Variants in GNAT3 observed in about 807,000 individuals in gnomAD.
GNAT3 encodes guanine nucleotide-binding protein G(t) subunit alpha-3.
A neutral mutation model predicts 37.7 loss-of-function variants in GNAT3; 31 were observed. The observed-to-expected ratio is 0.82, with a 90% CI of 0.62 to 1.11. The LOEUF (loss-of-function observed/expected upper bound fraction) is 1.11, where lower values mean the gene tolerates loss of function less well. Ranked by LOEUF, GNAT3 falls within the 50% of genes most tolerant of loss-of-function variation. The pLI, the probability that GNAT3 is intolerant of heterozygous loss-of-function variation, is 0.00. For missense variants in GNAT3, 437 were observed against 412.5 expected (o/e 1.06, Z -0.51); for synonymous variants, 138 against 139.8 (o/e 0.99, Z 0.09).
chr7:80,503,115 T>C (rs1216067462), intron 1 of GNAT3, among the ~76,000 whole-genome samples: 1 of 152,144 alleles, frequency 6.6e-6, no homozygotes, highest in East Asian at 1.9e-4. Flanking sequence ...ATCAATATCA[T>C]CTTATTGACT....
intron 4 of GNAT3, among the ~76,000 whole-genome samples, chr7:80,475,792 C>A (rs1790292983): frequency 6.6e-6 from 1 of 152,044 alleles, no homozygotes; most frequent in Non-Finnish European, 1.5e-5. Flanking sequence ...TAAGGTTGGA[C>A]AAGTGTCCCA....
rs1790841885 is a variant in GNAT3 at position 80,501,982 on chromosome 7, T to C, written c.119-7335A>G. On this transcript the variant is annotated intron_variant, in intron 1 of 7. Transcript: ENST00000398291. The stretch of plus-strand genomic sequence containing the variant: ...ATATACTATCTTTCCTTTTTAATGA[T>C]CTTTTATTTAGATATTCCAACTTTC... 2.0e-5 allele frequency among the ~76,000 whole-genome samples: 3 copies of C among 152,068 alleles called. No homozygotes were observed. In the South Asian group the frequency reaches 6.2e-4, roughly 32 times the overall value.
In GNAT3 at chr7:80,504,474, T is replaced by C. The variant is rs377426814; in HGVS notation, c.118+7335A>G. Among the ~76,000 whole-genome samples, 157 of 152,336 alleles carry C rather than the reference T, an allele frequency of 1.0e-3. 6 individuals are homozygous for C. In the South Asian group the frequency reaches 0.031, roughly 30 times the overall value. ...GATAAGAAAATAGAAGCAGTGAGCA[T>C]AGCATCCTTTGAGAAGTATTTCAAT... On this transcript the variant is annotated intron_variant, in intron 1 of 7. Transcript: ENST00000398291.
At chr7:80,463,579 C>T (rs1406873939) in intron 5 of GNAT3, among the ~76,000 whole-genome samples, 10 of 151,834 alleles carry the variant, frequency 6.6e-5, no homozygotes. Flanking sequence ...CTCTCTCCAC[C>T]CTCCATTTAC....
Position 80,501,173 on chromosome 7 carries a change from C to A in GNAT3, c.119-6526G>T, listed in dbSNP as rs573086142. 2.0e-5 allele frequency among the ~76,000 whole-genome samples: 3 copies of A among 151,972 alleles called. No individual in the cohort carries two copies. The South Asian group carries it at 6.2e-4, about 32-fold the overall frequency. ...TGTACATTTTCTTTTGCCAAAAAAA[C>A]ACATTGTTTATTTTTCCCAAACTTT... On this transcript the variant is annotated intron_variant, in intron 1 of 7. Transcript: ENST00000398291.
intron 1 of GNAT3, among the ~76,000 whole-genome samples, chr7:80,505,746 C>T (rs993910684): frequency 6.6e-6 from 1 of 152,138 alleles, no homozygotes; most frequent in African/African-American, 2.4e-5. Flanking sequence ...AGACAGGAAT[C>T]AAACCCATGA....
chr7:80,508,676 T>A (rs990904582), intron 1 of GNAT3, among the ~76,000 whole-genome samples: 3 of 152,032 alleles, frequency 2.0e-5, no homozygotes, highest in African/African-American at 7.2e-5. Flanking sequence ...TGTTCTGTAA[T>A]TTTACTGAAG....
chr7:80,491,668 T>C (rs1265917555), intron 2 of GNAT3, among the ~76,000 whole-genome samples: 1 of 152,114 alleles, frequency 6.6e-6, no homozygotes, highest in Non-Finnish European at 1.5e-5. Flanking sequence ...CATAAGGACT[T>C]AAGGAGACTT....
At chr7:80,489,803 A>C in intron 2 of GNAT3, among the ~76,000 whole-genome samples, 1 of 152,160 alleles carries the variant, frequency 6.6e-6, no homozygotes, top group East Asian at 1.9e-4. Flanking sequence ...ATCAAGAATA[A>C]GTTTATTAAA....
intron 3 of GNAT3, chr7:80,487,731 C>G (rs1419475771): frequency 6.6e-6 from 1 of 152,078 alleles, no homozygotes; most frequent in Non-Finnish European, 1.5e-5. Context: ...CTGGCATCCT[C>G]TGGAGGTAAC....
intron 3 of GNAT3, among the ~76,000 whole-genome samples, chr7:80,482,689 ATTTTTTTTT>A (rs71079119): frequency 8.8e-6 from 1 of 114,124 alleles, no homozygotes; most frequent in South Asian, 3.1e-4. Flanking sequence ...AATTTTTGTA[ATTTTTTTTT>A]TTTTTTTTTT....
chr7:80,471,905 G>A (rs189434831), intron 5 of GNAT3, among the ~76,000 whole-genome samples: 1 of 152,146 alleles, frequency 6.6e-6, no homozygotes, highest in East Asian at 1.9e-4. Context: ...TGGTGTTACT[G>A]TGCAAGTATA....
chr7:80,500,309 C>T (rs1035260603), intron 1 of GNAT3, among the ~76,000 whole-genome samples: 22 of 151,498 alleles, frequency 1.5e-4, no homozygotes, highest in African/African-American at 4.9e-4. Context: ...CCAAACAGAT[C>T]CTCCCACAAA....
At chr7:80,478,743 T>C in intron 4 of GNAT3, 98 bp downstream of exon 4, 1 of 1,180,640 alleles carries the variant, frequency 8.5e-7, no homozygotes, top group African/African-American at 1.5e-5. Flanking sequence ...ACACCATTTA[T>C]TTTCCTCATT....
At chr7:80,509,680 A>G (rs1791023283) in intron 1 of GNAT3, among the ~76,000 whole-genome samples, 1 of 152,050 alleles carries the variant, frequency 6.6e-6, no homozygotes, top group Non-Finnish European at 1.5e-5. Context: ...AAAATTTACT[A>G]ATTCTGGAAC....
At chr7:80,462,094 C>T in intron 7 of GNAT3, 65 bp downstream of exon 7, 1 of 1,022,260 alleles carries the variant, frequency 9.8e-7, no homozygotes, top group Non-Finnish European at 1.4e-6. Flanking sequence ...ATGTCAAGAT[C>T]CAGATAGGAA....
rs946620766 is a variant in GNAT3, at chr7:80,494,657, A to G, written c.119-10T>C. ...CCAGATTCTCCTGCTCCTGCAACAT[A>G]AAAAGAGGAATATTATTAACTGATA... On this transcript the variant is annotated splice_polypyrimidine_tract_variant and intron_variant, in intron 1 of 7. Transcript: ENST00000398291. 2.6e-5 allele frequency: 39 copies of G among 1,472,254 alleles called. No individual in the cohort carries two copies. The highest frequency in any genetic ancestry group is 3.5e-5 in the Non-Finnish European group (37 of 1,067,086). 91.2% of individuals were successfully genotyped at this position (1,472,254 alleles called of 1,614,324 possible).
At chr7:80,482,824 C>T (rs750936693) in intron 3 of GNAT3, among the ~76,000 whole-genome samples, 1 of 151,572 alleles carries the variant, frequency 6.6e-6, no homozygotes, top group Non-Finnish European at 1.5e-5. Context: ...AACCACCATA[C>T]CTGTCCTTCC....
At chr7:80,504,118 T>C (rs998080351) in intron 1 of GNAT3, among the ~76,000 whole-genome samples, 4 of 152,000 alleles carry the variant, frequency 2.6e-5, no homozygotes, top group Non-Finnish European at 4.4e-5. Context: ...AAGTTTGAGA[T>C]CAGCCTGGGC....
Sources: gnomAD v4.1 joint callset for allele counts (sites outside exome capture counted in the v4.1 genomes callset) on GRCh38, gnomAD v4.1.1 for gene constraint, MANE v1.5 for transcripts, NCBI Gene and HGNC (gene_info 2026-07-23, HGNC 2026-07-21) for gene names.